GATAD2B: variants seen among roughly 807,000 people sequenced by gnomAD.
GATAD2B encodes GATA zinc finger domain containing 2B.
A neutral mutation model predicts 64.3 loss-of-function variants in GATAD2B; 8 were observed. The ratio of observed to expected loss-of-function variants is 0.12; its 90% CI spans 0.07 to 0.22. The LOEUF (loss-of-function observed/expected upper bound fraction) is 0.22, where lower values mean the gene tolerates loss of function less well. Ranked by LOEUF, GATAD2B falls within the 10% of genes least tolerant of loss-of-function variation. The pLI, the probability that GATAD2B is intolerant of heterozygous loss-of-function variation, is 1.00. For missense variants in GATAD2B, 453 were observed against 752.0 expected, an observed-to-expected ratio of 0.60 and a Z score of 4.65; for synonymous variants, 281 against 271.3, an observed-to-expected ratio of 1.04 and a Z score of -0.35.
chr1:153,918,194 T>G (rs1379709743), intron 1 of GATAD2B, among the ~76,000 whole-genome samples: 3 of 152,212 alleles, frequency 2.0e-5, no homozygotes, highest in African/African-American at 7.2e-5. Flanking sequence ...CCTTAAAGGC[T>G]ATTGCAAGGA....
At position 153,857,025 on chromosome 1, in the gene GATAD2B, A is replaced by G. The variant is rs903573670; in HGVS notation, c.-1-28677T>C. 4.6e-5 allele frequency among the ~76,000 whole-genome samples: 7 copies of G among 152,236 alleles called. 1 individual carries two copies. The South Asian group carries it at 1.2e-3, about 27-fold the overall frequency. Reference sequence around the variant, plus strand: ...GCCCTATTTGCCTTGGGGAAAAAACATATCAGATAAGAAACCTGGACTACT... The same window carrying G: ...GCCCTATTTGCCTTGGGGAAAAAACGTATCAGATAAGAAACCTGGACTACT... On this transcript the variant is annotated intron_variant, in intron 1 of 10. Transcript: ENST00000368655.
At chr1:153,817,940 A>G (rs950220615) in intron 5 of GATAD2B, 100 bp downstream of exon 5, 1 of 1,071,920 alleles carries the variant, frequency 9.3e-7, no homozygotes, top group Non-Finnish European at 1.3e-6. Context: ...TAACACCTCT[A>G]TCATGGCCAG....
At chr1:153,852,226 A>C (rs1399100349) in intron 1 of GATAD2B, 4 of 1,170,004 alleles carry the variant, frequency 3.4e-6, no homozygotes, top group Non-Finnish European at 5.1e-6. Flanking sequence ...GTTGAGGGGC[A>C]TGTTGTTAAC....
intron 1 of GATAD2B, among the ~76,000 whole-genome samples, chr1:153,903,811 CCT>C (rs1456833116): frequency 6.6e-6 from 1 of 151,738 alleles, no homozygotes; most frequent in African/African-American, 2.4e-5. Context: ...TGGCAAATCC[CCT>C]CTCTACAAAA....
chr1:153,920,924 C>T (rs918201435), intron 1 of GATAD2B, among the ~76,000 whole-genome samples: 10 of 152,094 alleles, frequency 6.6e-5, no homozygotes, highest in Admixed American at 1.3e-4. Context: ...TATATGAATC[C>T]GATCCTTGAC....
rs1676303643 is a variant in GATAD2B, at chr1:153,861,838, A to ATG, written c.-1-33491_-1-33490insCA. The stretch of plus-strand genomic sequence containing the variant: ...CATATGTATATATATGTATATGTAT[A>ATG]TATGTATGTACGTATATGTATATAT... On this transcript the variant is annotated intron_variant, in intron 1 of 10. Coordinates refer to ENST00000368655, the MANE Select transcript of GATAD2B (RefSeq NM_020699.4). Among the ~76,000 whole-genome samples, 6 of 143,964 alleles carry ATG rather than the reference A, an allele frequency of 4.2e-5. No homozygotes were observed. In the South Asian group the frequency reaches 1.3e-3, roughly 31 times the overall value. The allele number at this position is 143,964 out of a possible 152,430, so 94.4% of individuals were successfully genotyped here. A position where few individuals can be genotyped will look rare whatever the true frequency, so the allele number is the denominator to read the frequency against.
intron 2 of GATAD2B, among the ~76,000 whole-genome samples, chr1:153,822,667 C>A (rs891131983): frequency 1.3e-5 from 2 of 152,010 alleles, no homozygotes; most frequent in South Asian, 2.1e-4. Context: ...CCACACCCGG[C>A]TAATTTTTGT....
chr1:153,884,251 T>G (rs999479279), intron 1 of GATAD2B, among the ~76,000 whole-genome samples: 1 of 152,062 alleles, frequency 6.6e-6, no homozygotes, highest in African/African-American at 2.4e-5. Context: ...CCATTCTGGC[T>G]AACACGGTGA....
chr1:153,858,817 A>G (rs1676174905), intron 1 of GATAD2B, among the ~76,000 whole-genome samples: 1 of 152,202 alleles, frequency 6.6e-6, no homozygotes, highest in African/African-American at 2.4e-5. Context: ...TAAAAAAATT[A>G]GACATGAAAA....
At chr1:153,886,713 G>T (rs975101068) in intron 1 of GATAD2B, among the ~76,000 whole-genome samples, 2 of 151,044 alleles carry the variant, frequency 1.3e-5, no homozygotes, top group African/African-American at 4.9e-5. Context: ...CAACACGCCC[G>T]GCTAATTTTT....
chr1:153,874,056 G>A (rs960005493), intron 1 of GATAD2B, among the ~76,000 whole-genome samples: 18 of 152,048 alleles, frequency 1.2e-4, no homozygotes, highest in Non-Finnish European at 2.2e-4. Flanking sequence ...TCAAGAGATC[G>A]TCTGAGACCA....
intron 1 of GATAD2B, among the ~76,000 whole-genome samples, chr1:153,914,357 G>A (rs1359664408): frequency 6.6e-6 from 1 of 151,462 alleles, no homozygotes. Context: ...TTATTTGACT[G>A]ACAAAGAAAC....
chr1:153,820,598 GTA>G (rs540335460), intron 2 of GATAD2B, among the ~76,000 whole-genome samples: 24 of 152,174 alleles, frequency 1.6e-4, no homozygotes, highest in African/African-American at 5.3e-4. Context: ...GTAGTTGGTA[GTA>G]TATAGGTCGA....
At position 153,806,124 on chromosome 1, in the gene GATAD2B, T is replaced by C. The variant is rs1480576140; in HGVS notation, c.*4053A>G. ...AATTTTGTTATATAGGTATATTGTA[T>C]ATATGCTGATGCAATCAGAGGAAAA... is the stretch of plus-strand genomic sequence containing the variant. On this transcript the variant is annotated 3_prime_UTR_variant, in exon 11 of 11. Coordinates refer to ENST00000368655, the MANE Select transcript of GATAD2B (RefSeq NM_020699.4). 1.3e-5 allele frequency: 2 copies of C among 152,216 alleles called. No homozygotes were observed. Among genetic ancestry groups the C allele is most frequent in the African/African-American group, 4.8e-5 (2 of 41,440 alleles). The allele number at this position is 152,216 out of a possible 1,614,324, so 9.4% of individuals were successfully genotyped here. A position where few individuals can be genotyped will look rare whatever the true frequency, so the allele number is the denominator to read the frequency against.
At chr1:153,873,948 GA>G in intron 1 of GATAD2B, among the ~76,000 whole-genome samples, 1 of 149,608 alleles carries the variant, frequency 6.7e-6, no homozygotes, top group Non-Finnish European at 1.5e-5. Context: ...AAATAAAAAG[GA>G]AAGAGGAAAG....
At chr1:153,861,566 G>A (rs1281981197) in intron 1 of GATAD2B, among the ~76,000 whole-genome samples, 5 of 150,496 alleles carry the variant, frequency 3.3e-5, no homozygotes, top group South Asian at 2.1e-4. Flanking sequence ...GGAGGATCAC[G>A]AGGTTAGGAG....
At chr1:153,850,604 A>C (rs1001915556) in intron 1 of GATAD2B, among the ~76,000 whole-genome samples, 3 of 152,154 alleles carry the variant, frequency 2.0e-5, no homozygotes, top group Middle Eastern at 3.4e-3. Context: ...TCAGCCTAAT[A>C]AGCCCATACT....
At chr1:153,855,929 C>T (rs563559897) in intron 1 of GATAD2B, among the ~76,000 whole-genome samples, 15 of 152,106 alleles carry the variant, frequency 9.9e-5, no homozygotes, top group East Asian at 7.8e-4. Flanking sequence ...CTGATTCATC[C>T]GCCTTGGCCT....
At chr1:153,842,954 C>CTTTTT (rs11424016) in intron 1 of GATAD2B, among the ~76,000 whole-genome samples, 2 of 117,480 alleles carry the variant, frequency 1.7e-5, no homozygotes. Flanking sequence ...CTCGCCCAGC[C>CTTTTT]TTTTTTTTTT....
Sources: gnomAD v4.1 joint callset for allele counts (sites outside exome capture counted in the v4.1 genomes callset) on GRCh38, gnomAD v4.1.1 for gene constraint, MANE v1.5 for transcripts, NCBI Gene and HGNC (gene_info 2026-07-23, HGNC 2026-07-21) for gene names.